TNRC6B: variants seen among roughly 807,000 people sequenced by gnomAD.
The protein encoded by TNRC6B is trinucleotide repeat-containing gene 6B protein.
Under a neutral mutation model 203.6 loss-of-function variants are expected in TNRC6B, and 52 were observed. That is an observed-to-expected ratio of 0.26 (90% CI 0.20 to 0.32). The LOEUF (loss-of-function observed/expected upper bound fraction) is 0.32. TNRC6B is among the 10% of genes least tolerant of loss of function. TNRC6B has a pLI of 1.00. For synonymous variants in TNRC6B, 838 were observed against 845.7 expected (o/e 0.99, Z 0.16); for missense variants, 1,923 against 2,286.2 (o/e 0.84, Z 3.24).
At chr22:40,054,640 T>C (rs2146265728) in intron 1 of TNRC6B, among the ~76,000 whole-genome samples, 1 of 152,378 alleles carries the variant, frequency 6.6e-6, no homozygotes, top group East Asian at 1.9e-4. Context: ...TTATTCACAT[T>C]TGTGTCACCA....
chr22:40,176,256 G>A (rs1012597183), upstream of TNRC6B, among the ~76,000 whole-genome samples: 1 of 151,584 alleles, frequency 6.6e-6, no homozygotes, highest in African/African-American at 2.4e-5. Context: ...AGCCTCCCTA[G>A]TAGCTGGGAT....
chr22:40,277,625 A>G (rs979542522), intron 8 of TNRC6B, among the ~76,000 whole-genome samples: 1 of 152,238 alleles, frequency 6.6e-6, no homozygotes, highest in Admixed American at 6.5e-5. Flanking sequence ...TTGGCTGCAC[A>G]GTTGAAGGTT....
At chr22:40,062,899 C>T (rs987862602) in intron 1 of TNRC6B, among the ~76,000 whole-genome samples, 1 of 151,630 alleles carries the variant, frequency 6.6e-6, no homozygotes, top group South Asian at 2.1e-4. Flanking sequence ...TCCTAATCTG[C>T]AGGTTGATGC....
At chr22:40,245,950 AT>A in intron 1 of TNRC6B, 64 bp from the exon 2 acceptor site, 1 of 1,321,678 alleles carries the variant, frequency 7.6e-7, no homozygotes, top group South Asian at 1.4e-5. Context: ...CAAGCATTCA[AT>A]TTGCTGCGGA....
chr22:40,288,668 G>A (rs1033844399), intron 12 of TNRC6B, among the ~76,000 whole-genome samples: 2 of 151,518 alleles, frequency 1.3e-5, no homozygotes, highest in Non-Finnish European at 2.9e-5. Context: ...TCAGCCTCCC[G>A]AGTAGCTGGG....
intron 1 of TNRC6B, among the ~76,000 whole-genome samples, chr22:40,063,076 G>C (rs1417232093): frequency 1.3e-5 from 2 of 151,792 alleles, no homozygotes; most frequent in African/African-American, 4.8e-5. Flanking sequence ...TTACATCTCT[G>C]ATCTATTTTG....
intron 4 of TNRC6B, among the ~76,000 whole-genome samples, chr22:40,166,095 C>T (rs2068916952): frequency 6.6e-6 from 1 of 152,170 alleles, no homozygotes; most frequent in African/African-American, 2.4e-5. Context: ...AGAACTTCTG[C>T]TCCTGCCAGG....
chr22:40,314,641 A>G (rs2071231872), intron 19 of TNRC6B, among the ~76,000 whole-genome samples: 1 of 152,192 alleles, frequency 6.6e-6, no homozygotes, highest in South Asian at 2.1e-4. Flanking sequence ...TCCCCTCTGC[A>G]TATTGAGCTT....
chr22:40,089,917 A>T (rs1458298613), intron 1 of TNRC6B, among the ~76,000 whole-genome samples: 1 of 152,046 alleles, frequency 6.6e-6, no homozygotes, highest in Non-Finnish European at 1.5e-5. Flanking sequence ...TCTTTTCCAG[A>T]TGTTATGTAG....
chr22:40,245,958 C>T (rs375584093), intron 1 of TNRC6B, 57 bp from the exon 2 acceptor site: 11 of 1,373,850 alleles, frequency 8.0e-6, no homozygotes, highest in South Asian at 2.8e-5. Flanking sequence ...CAATTTGCTG[C>T]GGAAATGGAT....
intron 1 of TNRC6B, among the ~76,000 whole-genome samples, chr22:40,239,283 T>C (rs982010626): frequency 1.3e-5 from 2 of 152,182 alleles, no homozygotes; most frequent in Non-Finnish European, 2.9e-5. Flanking sequence ...GACATCCTAG[T>C]AGAAGAGAGC....
At chr22:40,230,293 T>TC (rs2069850548) in intron 1 of TNRC6B, among the ~76,000 whole-genome samples, 1 of 149,004 alleles carries the variant, frequency 6.7e-6, no homozygotes, top group South Asian at 2.1e-4. Context: ...TTTTTTTTTT[T>TC]TTTTTTTTTT....
chr22:40,098,384 CAAAAAAAA>C (rs1056495905), intron 1 of TNRC6B, among the ~76,000 whole-genome samples: 720 of 51,456 alleles, frequency 0.014, 5 homozygotes, highest in Middle Eastern at 0.026. Context: ...GACTCCGTCT[CAAAAAAAA>C]AAAAAAAAAA....
intron 4 of TNRC6B, among the ~76,000 whole-genome samples, chr22:40,171,142 T>C (rs2068992891): frequency 6.7e-6 from 1 of 150,156 alleles, no homozygotes; most frequent in Non-Finnish European, 1.5e-5. Flanking sequence ...GTGATGAACA[T>C]TTTATAAATG....
intron 2 of TNRC6B, among the ~76,000 whole-genome samples, chr22:40,121,793 CT>C (rs2068448846): frequency 6.6e-6 from 1 of 152,250 alleles, no homozygotes; most frequent in African/African-American, 2.4e-5. Flanking sequence ...GCAGCCTTGT[CT>C]CTATAGAAAC....
At chr22:40,305,992 TAAAG>T in intron 15 of TNRC6B, among the ~76,000 whole-genome samples, 1 of 152,260 alleles carries the variant, frequency 6.6e-6, no homozygotes, top group East Asian at 1.9e-4. Flanking sequence ...CAGCTGAAAT[TAAAG>T]AAATTTAATT....
chr22:40,162,982 T>C (rs1194297054), intron 4 of TNRC6B, among the ~76,000 whole-genome samples: 1 of 152,236 alleles, frequency 6.6e-6, no homozygotes, highest in Non-Finnish European at 1.5e-5. Flanking sequence ...ATAAATTTTG[T>C]AATTTGCATT....
intron 1 of TNRC6B, among the ~76,000 whole-genome samples, chr22:40,218,301 A>ATTTTTTT (rs893875158): frequency 8.5e-6 from 1 of 117,306 alleles, no homozygotes; most frequent in Non-Finnish European, 1.9e-5. Context: ...GCAAGAGATG[A>ATTTTTTT]TTTTTTTTTT....
rs2071400354 is a variant in TNRC6B at position 40,326,236 on chromosome 22, A to G, written c.*2995A>G. On this transcript the variant is annotated 3_prime_UTR_variant, in exon 23 of 23. Transcript: ENST00000454349. ...TATTTAACCATATCTTATCCTAGAGAGATGGCTGTTTCTTTCCTGTTAATA... is the reference window on the plus strand; with the variant it reads ...TATTTAACCATATCTTATCCTAGAGGGATGGCTGTTTCTTTCCTGTTAATA... The G allele has an allele frequency of 6.6e-6, 1 of 152,550 alleles. No individual in the cohort carries two copies. The highest frequency in any genetic ancestry group is 2.1e-4 in the South Asian group (1 of 4,830). 9.4% of individuals were successfully genotyped at this position (152,550 alleles called of 1,614,324 possible). A position where few individuals can be genotyped will look rare whatever the true frequency, so the allele number is the denominator to read the frequency against.
Sources: allele counts gnomAD v4.1 joint callset (sites outside exome capture counted in the v4.1 genomes callset), GRCh38; gene constraint gnomAD v4.1.1; transcripts MANE v1.5; gene names NCBI Gene and HGNC (gene_info 2026-07-23, HGNC 2026-07-21).